FRMPD4: variants seen among roughly 807,000 people sequenced by gnomAD.
The protein encoded by FRMPD4 is FERM and PDZ domain containing 4, also known as FERM and PDZ domain-containing protein 4.
In FRMPD4, 22 loss-of-function variants were observed where a neutral mutation model predicts 94.1. The observed-to-expected ratio is 0.23, with a 90% CI of 0.17 to 0.33. The LOEUF (loss-of-function observed/expected upper bound fraction) is 0.33, where lower values mean the gene tolerates loss of function less well. FRMPD4 is among the 10% of genes least tolerant of loss of function. The pLI is 1.00. For missense variants in FRMPD4, 1,111 were observed against 1,339.9 expected, an observed-to-expected ratio of 0.83 and a Z score of 2.67; for synonymous variants, 631 against 548.6, an observed-to-expected ratio of 1.15 and a Z score of -2.10.
chrX:12,602,449 G>A (rs189963639), intron 2 of FRMPD4, among the ~76,000 whole-genome samples: 20 of 111,722 alleles, frequency 1.8e-4, no homozygotes, highest in Middle Eastern at 4.6e-3. Context: ...AATAAGGGGA[G>A]AAGTTTCCTT....
rs779304696 is a variant in FRMPD4, at chrX:12,450,336, A to G, written c.42-48344A>G. On this transcript the variant is annotated intron_variant, in intron 1 of 16. Coordinates refer to ENST00000675598, the MANE Select transcript of FRMPD4 (RefSeq NM_001368397.1). ...AAAAAAAGGGAAGTTGGGTAGGACAAGGCTTGGTTGGACACTGCACAGTCA... is the reference window on the plus strand; with the variant it reads ...AAAAAAAGGGAAGTTGGGTAGGACAGGGCTTGGTTGGACACTGCACAGTCA... 9.0e-5 allele frequency among the ~76,000 whole-genome samples: 10 copies of G among 111,399 alleles called. No individual in the cohort carries two copies. The South Asian group carries it at 3.8e-3, about 43-fold the overall frequency.
chrX:12,138,025 C>A (rs774249107), upstream of FRMPD4, among the ~76,000 whole-genome samples: 9 of 111,796 alleles, frequency 8.1e-5, no homozygotes, highest in South Asian at 3.4e-3. Flanking sequence ...CCGCAAATGC[C>A]TCCGGTTCTT....
intron 1 of FRMPD4, among the ~76,000 whole-genome samples, chrX:12,146,110 TC>T (rs201186038): frequency 0.073 from 8,134 of 111,179 alleles, 909 homozygotes; most frequent in East Asian, 0.62. Context: ...ACGCCTGTAA[TC>T]CCAACACTTT....
chrX:12,692,973 G>T (rs4830791), intron 8 of FRMPD4, among the ~76,000 whole-genome samples: 35,218 of 110,311 alleles, frequency 0.32, 4,465 homozygotes, highest in East Asian at 0.69. Context: ...TCAAGTCTCA[G>T]GAATCCACTC....
chrX:12,362,255 G>A (rs1457821135), intron 1 of FRMPD4, among the ~76,000 whole-genome samples: 4 of 107,724 alleles, frequency 3.7e-5, no homozygotes, highest in African/African-American at 1.0e-4. Flanking sequence ...TGTGCACAAC[G>A]TGCAGGTTTG....
In FRMPD4 at chrX:12,713,508, G is replaced by C. The variant is rs960849643; in HGVS notation, c.1610-2561G>C. ...AGAGAGAGAGAGAGAGAGAGAGACA[G>C]AGAGAGAGAAGCGAGGATAACAGAG... On this transcript the variant is annotated intron_variant, in intron 14 of 16. Coordinates refer to ENST00000675598, the MANE Select transcript of FRMPD4 (RefSeq NM_001368397.1). Among the ~76,000 whole-genome samples, 4 of 111,094 alleles carry C rather than the reference G, an allele frequency of 3.6e-5. No individual in the cohort carries two copies. In the South Asian group the frequency reaches 1.6e-3, roughly 44 times the overall value.
At chrX:12,243,970 A>T (rs2053919162) in intron 1 of FRMPD4, among the ~76,000 whole-genome samples, 1 of 106,883 alleles carries the variant, frequency 9.4e-6, no homozygotes, top group African/African-American at 3.4e-5. Flanking sequence ...TAATTTTTTA[A>T]TTTTTTGTAG....
At chrX:12,319,166 C>T (rs1230321927) in intron 1 of FRMPD4, among the ~76,000 whole-genome samples, 4 of 111,377 alleles carry the variant, frequency 3.6e-5, no homozygotes, top group Non-Finnish European at 7.5e-5. Flanking sequence ...CACAGAGACC[C>T]GATGGCCTGA....
chrX:12,165,192 G>T (rs1403919994), intron 1 of FRMPD4, among the ~76,000 whole-genome samples: 69 of 111,995 alleles, frequency 6.2e-4, no homozygotes, highest in African/African-American at 9.7e-4. Context: ...GGTCTAACAT[G>T]TAAGTCTTTA....
Position 12,041,555 on chromosome X carries a change from AT to A in FRMPD4, c.95+163548del, listed in dbSNP as rs200104330. 1.7e-3 allele frequency among the ~76,000 whole-genome samples: 180 copies of A among 103,286 alleles called. 1 individual carries two copies. The highest frequency in any genetic ancestry group is 4.7e-3 in the African/African-American group (134 of 28,645). The allele number at this position is 103,286 out of a possible 115,157, so 89.7% of individuals were successfully genotyped here. On this transcript the variant is annotated intron_variant, in intron 3 of 18. Transcript: ENST00000640291. Reference sequence around the variant, plus strand: ...GTTGTGCCCGTGTATATCATGAGTCATTTTTTTTTTTCTGCTTTCAAGATTT... The same window carrying A: ...GTTGTGCCCGTGTATATCATGAGTCATTTTTTTTTTCTGCTTTCAAGATTT...
chrX:12,096,841 C>T (rs777527317), intron 3 of FRMPD4, among the ~76,000 whole-genome samples: 2 of 111,577 alleles, frequency 1.8e-5, no homozygotes, highest in South Asian at 7.6e-4. Flanking sequence ...GAACTATGAT[C>T]ATGCCACTGC....
chrX:11,987,611 G>T (rs762837371), intron 3 of FRMPD4, among the ~76,000 whole-genome samples: 10 of 110,967 alleles, frequency 9.0e-5, no homozygotes. Context: ...TACCCGAATT[G>T]GAAAGGAAGA....
chrX:12,333,577 T>G lies in FRMPD4; in HGVS notation c.42-165103T>G, dbSNP rs752408128. Among the ~76,000 whole-genome samples the G allele has an allele frequency of 2.6e-4, 29 of 112,137 alleles. No individual in the cohort carries two copies. In the Admixed American group the frequency reaches 2.8e-3, roughly 11 times the overall value. On this transcript the variant is annotated intron_variant, in intron 1 of 16. Transcript: ENST00000675598. ...ATCTGAGCTACAAATGGGGAAAATT[T>G]TACTTTATAATTTCTGCAAAATTTG...
intron 2 of FRMPD4, among the ~76,000 whole-genome samples, chrX:12,556,550 A>G (rs2058597676): frequency 9.0e-6 from 1 of 111,417 alleles, no homozygotes; most frequent in Non-Finnish European, 1.9e-5. Flanking sequence ...CTGGCCAAAA[A>G]CTTGATTTTA....
At chrX:12,415,558 T>A (rs952709914) in intron 1 of FRMPD4, among the ~76,000 whole-genome samples, 2 of 111,881 alleles carry the variant, frequency 1.8e-5, no homozygotes, top group East Asian at 5.6e-4. Context: ...ACAACAATAA[T>A]AGGGGGGATG....
intron 3 of FRMPD4, among the ~76,000 whole-genome samples, chrX:11,893,986 G>T (rs2053889161): frequency 8.9e-6 from 1 of 111,839 alleles, no homozygotes; most frequent in African/African-American, 3.3e-5. Flanking sequence ...TCATCAAAAA[G>T]GAGATTATAC....
Position 12,697,468 on chromosome X carries a change from C to A in FRMPD4, c.933+3014C>A, listed in dbSNP as rs760728920. Among the ~76,000 whole-genome samples the A allele has an allele frequency of 1.8e-5, 2 of 112,322 alleles. 1 individual carries two copies. The highest frequency in any genetic ancestry group is 7.4e-4 in the South Asian group (2 of 2,699). ...TTTTCTCTATAATTATATACTCACC[C>A]CATTCACAAGATGGTGCTTTAAAAC... is the stretch of plus-strand genomic sequence containing the variant. On this transcript the variant is annotated intron_variant, in intron 9 of 16. Coordinates refer to ENST00000675598, the MANE Select transcript of FRMPD4 (RefSeq NM_001368397.1).
intron 1 of FRMPD4, among the ~76,000 whole-genome samples, chrX:11,836,979 C>T (rs1357515716): frequency 8.9e-6 from 1 of 112,159 alleles, no homozygotes; most frequent in Non-Finnish European, 1.9e-5. Context: ...CCTTTTTCAA[C>T]AGTTTCCTCC....
At chrX:12,031,148 G>T (rs181337963) in intron 3 of FRMPD4, among the ~76,000 whole-genome samples, 13 of 112,001 alleles carry the variant, frequency 1.2e-4, no homozygotes, top group Admixed American at 2.8e-4. Context: ...ATACAGAACA[G>T]CATATTTCAA....
Sources: gnomAD v4.1 joint callset for allele counts (sites outside exome capture counted in the v4.1 genomes callset) on GRCh38, gnomAD v4.1.1 for gene constraint, MANE v1.5 for transcripts, NCBI Gene and HGNC (gene_info 2026-07-23, HGNC 2026-07-21) for gene names.